The following SPMIP2 variants were observed in gnomAD, a reference collection of about 807,000 sequenced individuals.
SPMIP2 encodes the protein protein SPMIP2.
the SPMIP2 span, chr4:159,035,001 T>C: frequency 1.9e-6 from 3 of 1,555,624 alleles, no homozygotes; most frequent in African/African-American, 1.4e-5. Context: ...AATTTAGATC[T>C]CCTTGTGAAA....
At chr4:158,990,907 C>T in the SPMIP2 span, among the ~76,000 whole-genome samples, 5 of 152,196 alleles carry the variant, frequency 3.3e-5, no homozygotes, top group East Asian at 9.6e-4. Context: ...CAAATAAATT[C>T]ATTTTTTAAA....
the SPMIP2 span, among the ~76,000 whole-genome samples, chr4:158,928,870 C>T: frequency 6.6e-6 from 1 of 151,974 alleles, no homozygotes; most frequent in East Asian, 1.9e-4. Context: ...TTAACAGTCA[C>T]CGCGAAGGGC....
the SPMIP2 span, among the ~76,000 whole-genome samples, chr4:159,012,091 C>CT: frequency 6.6e-6 from 1 of 151,350 alleles, no homozygotes; most frequent in Non-Finnish European, 1.5e-5. Flanking sequence ...CAAATGGCTT[C>CT]TTAAATCTAT....
chr4:158,906,937 A>G, the SPMIP2 span: 4 of 152,334 alleles, frequency 2.6e-5, no homozygotes, highest in East Asian at 7.7e-4. Context: ...CACCTCAAGA[A>G]AAAACATAAA....
chr4:158,980,663 C>T, the SPMIP2 span, among the ~76,000 whole-genome samples: 91 of 152,316 alleles, frequency 6.0e-4, no homozygotes, highest in African/African-American at 2.1e-3. Flanking sequence ...AACATCAACA[C>T]ATCAACAAAA....
At chr4:158,921,067 G>A in the SPMIP2 span, among the ~76,000 whole-genome samples, 10 of 152,174 alleles carry the variant, frequency 6.6e-5, no homozygotes, top group Admixed American at 2.6e-4. Context: ...AAGAACCTAC[G>A]TTGAAATATT....
chr4:159,039,052 C>T, the SPMIP2 span, among the ~76,000 whole-genome samples: 1 of 152,074 alleles, frequency 6.6e-6, no homozygotes, highest in Non-Finnish European at 1.5e-5. Context: ...AATCATGGCT[C>T]ACTACAACCT....
the SPMIP2 span, among the ~76,000 whole-genome samples, chr4:159,067,217 G>T: frequency 8.0e-6 from 1 of 125,566 alleles, no homozygotes; most frequent in African/African-American, 2.7e-5. Context: ...AACAGAATGA[G>T]AATCTATTTA....
chr4:159,064,683 C>T, the SPMIP2 span, among the ~76,000 whole-genome samples: 28 of 151,986 alleles, frequency 1.8e-4, no homozygotes, highest in African/African-American at 6.8e-4. Flanking sequence ...ATTAAATACC[C>T]CAAATTTTGT....
At chr4:158,913,988 C>A in the SPMIP2 span, among the ~76,000 whole-genome samples, 107,343 of 152,092 alleles carry the variant, frequency 0.71, 38,590 homozygotes, top group East Asian at 0.95. Flanking sequence ...GAGTATATCA[C>A]GTTCTTAGAG....
chr4:158,929,332 TGATTG>T, the SPMIP2 span, among the ~76,000 whole-genome samples: 2 of 152,278 alleles, frequency 1.3e-5, no homozygotes, highest in African/African-American at 2.4e-5. Flanking sequence ...CTCTGGCATT[TGATTG>T]GATTGTTTAG....
chr4:159,015,789 A>G, the SPMIP2 span, among the ~76,000 whole-genome samples: 5 of 152,352 alleles, frequency 3.3e-5, no homozygotes, highest in East Asian at 9.6e-4. Flanking sequence ...ATTTTGTGCA[A>G]TTAGAATGAG....
At chr4:158,930,297 G>A in the SPMIP2 span, among the ~76,000 whole-genome samples, 16 of 151,570 alleles carry the variant, frequency 1.1e-4, no homozygotes, top group African/African-American at 3.4e-4. Context: ...GTGAAGCCTC[G>A]ACTTTCCAAG....
At chr4:158,932,959 T>C in the SPMIP2 span, among the ~76,000 whole-genome samples, 2 of 152,234 alleles carry the variant, frequency 1.3e-5, no homozygotes, top group Non-Finnish European at 2.9e-5. Flanking sequence ...CTCCAAGAAT[T>C]GCTGCAAGCA....
the SPMIP2 span, among the ~76,000 whole-genome samples, chr4:158,921,047 G>C: frequency 1.3e-5 from 2 of 152,180 alleles, no homozygotes; most frequent in Non-Finnish European, 2.9e-5. Flanking sequence ...GACACTTATG[G>C]AAAAATAGAA....
At chr4:158,896,568 C>G in the SPMIP2 span, among the ~76,000 whole-genome samples, 2 of 152,086 alleles carry the variant, frequency 1.3e-5, no homozygotes, top group African/African-American at 4.8e-5. Flanking sequence ...TTTATAATGT[C>G]GACGTTTAAA....
the SPMIP2 span, among the ~76,000 whole-genome samples, chr4:158,903,997 T>G: frequency 6.6e-6 from 1 of 152,238 alleles, no homozygotes; most frequent in African/African-American, 2.4e-5. Flanking sequence ...AGTATAAACT[T>G]TGAACAAATT....
At chr4:158,970,597 G>C in the SPMIP2 span, among the ~76,000 whole-genome samples, 2 of 152,006 alleles carry the variant, frequency 1.3e-5, no homozygotes, top group Non-Finnish European at 2.9e-5. Context: ...AGAGAGAGCA[G>C]TATGCCTTAG....
At chr4:158,954,803 G>T in the SPMIP2 span, among the ~76,000 whole-genome samples, 3 of 152,276 alleles carry the variant, frequency 2.0e-5, no homozygotes, top group African/African-American at 7.2e-5. Flanking sequence ...GATAGGGTGG[G>T]CTCTTCAGTA....
Sources: allele counts gnomAD v4.1 joint callset (sites outside exome capture counted in the v4.1 genomes callset), GRCh38; gene constraint gnomAD v4.1.1; transcripts MANE v1.5; gene names NCBI Gene and HGNC (gene_info 2026-07-23, HGNC 2026-07-21).